NFX1: variants seen among roughly 807,000 people sequenced by gnomAD.
The protein encoded by NFX1 is nuclear transcription factor, X-box binding 1.
A neutral mutation model predicts 137.2 loss-of-function variants in NFX1; 69 were observed. The observed-to-expected ratio is 0.50, with a 90% CI of 0.41 to 0.61. The LOEUF (loss-of-function observed/expected upper bound fraction) is 0.61, where lower values mean the gene tolerates loss of function less well. NFX1 is among the 20% of genes least tolerant of loss of function. The pLI, the probability that NFX1 is intolerant of heterozygous loss-of-function variation, is 0.00. For missense variants in NFX1, 1,167 were observed against 1,391.0 expected (o/e 0.84, Z 2.56); for synonymous variants, 495 against 474.1 (o/e 1.04, Z -0.57).
intron 9 of NFX1, among the ~76,000 whole-genome samples, chr9:33,319,608 C>T (rs781606378): frequency 6.6e-6 from 1 of 152,174 alleles, no homozygotes; most frequent in Non-Finnish European, 1.5e-5. Context: ...CTCCTGGGCT[C>T]AAATGATTCT....
In NFX1 at chr9:33,351,671, T is replaced by G. The variant is rs758948084; in HGVS notation, c.2536T>G (p.Cys846Gly). 1 of 1,613,830 alleles carries G rather than the reference T, an allele frequency of 6.2e-7. No individual in the cohort carries two copies. Among genetic ancestry groups the G allele is most frequent in the South Asian group, 1.1e-5 (1 of 91,042 alleles). ...KCQRLCHKGECLVDEPCKQPC... is the reference protein window; with the variant it reads ...KCQRLCHKGEGLVDEPCKQPC... Reference sequence around the variant, plus strand: ...TCAGAGACTCTGTCACAAAGGGGAGTGTCTTGTGGATGAGCCCTGCAAGCA... The same window carrying G: ...TCAGAGACTCTGTCACAAAGGGGAGGGTCTTGTGGATGAGCCCTGCAAGCA... The change falls in exon 16 of 24, where the codon TGT (cysteine) becomes GGT (glycine). Residue 846 changes from cysteine (C) to glycine (G), a missense_variant. By Grantham distance (159) the Cys-to-Gly change is radical. Transcript: ENST00000379540.
rs753713076 is a variant in NFX1 at position 33,313,787 on chromosome 9, A to T, written c.1582A>T (p.Asn528Tyr). 2 of 1,613,600 alleles carry T rather than the reference A, an allele frequency of 1.2e-6. No homozygotes were observed. Among genetic ancestry groups the T allele is most frequent in the Admixed American group, 3.3e-5 (2 of 59,988 alleles). Residue 528 changes from asparagine to tyrosine, a missense_variant, in exon 7 of 24, where the codon AAC (asparagine) becomes TAC (tyrosine). By Grantham distance (143) the Asn-to-Tyr change is moderately radical. Coordinates refer to ENST00000379540, the MANE Select transcript of NFX1 (RefSeq NM_002504.6). ...GQCQPCQIIL[N>Y]QVCYCGSTSR... Reference sequence around the variant, plus strand: ...GTGCCAGCCTTGCCAGATCATTTTGAACCAGGGTAAGTGGTGGGCACACCA... The same window carrying T: ...GTGCCAGCCTTGCCAGATCATTTTGTACCAGGGTAAGTGGTGGGCACACCA...
chr9:33,363,315 C>T (rs1824069545), intron 19 of NFX1, among the ~76,000 whole-genome samples: 1 of 149,472 alleles, frequency 6.7e-6, no homozygotes, highest in South Asian at 2.1e-4. Context: ...GACAGAGTCT[C>T]ACTGTGTTGC....
rs1823634076 is a variant in NFX1, at chr9:33,351,498, A to G, written c.2425-62A>G. 6 of 1,489,134 alleles carry G rather than the reference A, an allele frequency of 4.0e-6. No individual in the cohort carries two copies. In the South Asian group the frequency reaches 6.9e-5, roughly 17 times the overall value. 92.2% of individuals were successfully genotyped at this position (1,489,134 alleles called of 1,614,324 possible). A position where few individuals can be genotyped will look rare whatever the true frequency, so the allele number is the denominator to read the frequency against. On this transcript the variant is annotated intron_variant, in intron 15 of 23. Transcript: ENST00000379540. ...TAAGCTTAGAAATGTTTAAAGAGAA[A>G]GTTAAAACTCACCCCAAATCCCACA...
chr9:33,350,584 C>T (rs561864448), intron 15 of NFX1, among the ~76,000 whole-genome samples: 1 of 152,344 alleles, frequency 6.6e-6, no homozygotes, highest in East Asian at 1.9e-4. Context: ...CCTTTTGAGT[C>T]ATAACAGGGA....
At chr9:33,354,981 T>G in intron 19 of NFX1, 89 bp downstream of exon 19, 2 of 1,236,580 alleles carry the variant, frequency 1.6e-6, no homozygotes, top group Non-Finnish European at 2.3e-6. Context: ...CGTCATTCAC[T>G]CAGCACTGCG....
At chr9:33,352,040 A>C (rs990688831) in intron 16 of NFX1, among the ~76,000 whole-genome samples, 2 of 152,188 alleles carry the variant, frequency 1.3e-5, no homozygotes, top group African/African-American at 4.8e-5. Context: ...TGAGATTCTC[A>C]ATAGTCACTG....
intron 2 of NFX1, among the ~76,000 whole-genome samples, chr9:33,298,183 G>A (rs1587816562): frequency 6.6e-6 from 1 of 152,194 alleles, no homozygotes; most frequent in Admixed American, 6.5e-5. Flanking sequence ...AGAAGACAGA[G>A]TGACAAGAGT....
chr9:33,342,170 A>T (rs1564134558), intron 12 of NFX1, among the ~76,000 whole-genome samples: 1 of 139,280 alleles, frequency 7.2e-6, no homozygotes, highest in African/African-American at 2.7e-5. Context: ...AATAAAATAT[A>T]TTTTTTTAAA....
chr9:33,299,245 C>T (rs1461235295), intron 2 of NFX1, among the ~76,000 whole-genome samples: 1 of 152,156 alleles, frequency 6.6e-6, no homozygotes. Flanking sequence ...GTTTTTCTGC[C>T]AATGTCCTTT....
At chr9:33,329,695 A>G (rs1822730517) in intron 10 of NFX1, among the ~76,000 whole-genome samples, 1 of 149,590 alleles carries the variant, frequency 6.7e-6, no homozygotes. Flanking sequence ...GTCTCACTCC[A>G]TCACCCAGGA....
intron 15 of NFX1, among the ~76,000 whole-genome samples, chr9:33,349,506 T>C (rs1031345969): frequency 1.3e-5 from 2 of 152,154 alleles, no homozygotes; most frequent in Non-Finnish European, 2.9e-5. Context: ...ATGGGAAATA[T>C]GTATGTCCTA....
intron 10 of NFX1, among the ~76,000 whole-genome samples, chr9:33,330,373 A>G (rs1040846090): frequency 2.0e-5 from 3 of 152,226 alleles, no homozygotes; most frequent in Admixed American, 1.3e-4. Flanking sequence ...AAAACTTCAG[A>G]AAAAAGGGAA....
intron 19 of NFX1, among the ~76,000 whole-genome samples, chr9:33,357,243 A>C (rs1384229515): frequency 6.6e-6 from 1 of 152,098 alleles, no homozygotes; most frequent in Non-Finnish European, 1.5e-5. Flanking sequence ...CGGAGCTTGC[A>C]GTGAGCCGAG....
At chr9:33,344,047 G>A in intron 13 of NFX1, 22 bp from the exon 14 acceptor site, 1 of 1,613,476 alleles carries the variant, frequency 6.2e-7, no homozygotes, top group Non-Finnish European at 8.5e-7. Context: ...GGATTCTTTT[G>A]TTTTACCTGC....
intron 15 of NFX1, among the ~76,000 whole-genome samples, chr9:33,350,303 CAAA>C (rs35938162): frequency 7.5e-5 from 4 of 53,370 alleles, no homozygotes; most frequent in Admixed American, 4.3e-4. Context: ...GACTCCATCT[CAAA>C]AAAAAAAAAA....
chr9:33,319,554 A>C (rs1028403007), intron 9 of NFX1, among the ~76,000 whole-genome samples: 8 of 152,084 alleles, frequency 5.3e-5, no homozygotes, highest in African/African-American at 1.9e-4. Context: ...CTGTCGCCCC[A>C]GCTCGAGTGC....
At chr9:33,325,651 G>A (rs1160512126) in intron 9 of NFX1, among the ~76,000 whole-genome samples, 1 of 152,006 alleles carries the variant, frequency 6.6e-6, no homozygotes, top group Non-Finnish European at 1.5e-5. Context: ...GCAACAGAGA[G>A]AGACTCTGTC....
At chr9:33,352,023 C>A in intron 16 of NFX1, 1 of 490,456 alleles carries the variant, frequency 2.0e-6, no homozygotes, top group South Asian at 3.5e-5. Context: ...TCTGTGTCTC[C>A]CTTGGGTGAG....
Sources: gnomAD v4.1 joint callset for allele counts (sites outside exome capture counted in the v4.1 genomes callset) on GRCh38, gnomAD v4.1.1 for gene constraint, MANE v1.5 for transcripts, NCBI Gene and HGNC (gene_info 2026-07-23, HGNC 2026-07-21) for gene names.